The following SPATA9 variants were observed in gnomAD, a reference collection of about 807,000 sequenced individuals.
SPATA9 encodes the protein spermatogenesis-associated protein 9.
Under a neutral mutation model 25.5 loss-of-function variants are expected in SPATA9, and 27 were observed. The observed-to-expected ratio is 1.06, with a 90% CI of 0.78 to 1.46. The LOEUF is 1.46. Ranked by LOEUF, SPATA9 falls within the 40% of genes most tolerant of loss-of-function variation. SPATA9 has a pLI of 0.00. For missense variants in SPATA9, 282 were observed against 297.5 expected (o/e 0.95, Z 0.38); for synonymous variants, 102 against 105.7 (o/e 0.97, Z 0.21).
At chr5:95,663,143 A>G (rs1046117382) in intron 4 of SPATA9, among the ~76,000 whole-genome samples, 1 of 152,230 alleles carries the variant, frequency 6.6e-6, no homozygotes, top group Non-Finnish European at 1.5e-5. Flanking sequence ...AGTAGAATGG[A>G]TAAATAAATG....
chr5:95,660,958 C>T (rs1472680418), intron 4 of SPATA9, among the ~76,000 whole-genome samples: 2 of 136,946 alleles, frequency 1.5e-5, no homozygotes, highest in Non-Finnish European at 3.3e-5. Context: ...GACTGCTACA[C>T]ACTCTGTCTT....
chr5:95,658,154 A>G (rs1204696084), downstream of SPATA9: 3 of 152,410 alleles, frequency 2.0e-5, no homozygotes, highest in Non-Finnish European at 4.4e-5. Flanking sequence ...TGTGAATTGC[A>G]AATCCTTCAT....
At chr5:95,673,429 G>T (rs187732331) in intron 3 of SPATA9, among the ~76,000 whole-genome samples, 1 of 152,058 alleles carries the variant, frequency 6.6e-6, no homozygotes. Context: ...ATTGTGGCAG[G>T]CTAATTTGTT....
intron 1 of SPATA9, among the ~76,000 whole-genome samples, chr5:95,690,267 A>C (rs1034173610): frequency 3.9e-5 from 6 of 152,224 alleles, no homozygotes; most frequent in Admixed American, 6.5e-5. Context: ...CAAGATTTTT[A>C]AGAATATATT....
chr5:95,721,693 T>TAAAA, the SPATA9 span, among the ~76,000 whole-genome samples: 1 of 132,202 alleles, frequency 7.6e-6, no homozygotes. Flanking sequence ...CTGAGAGCAT[T>TAAAA]AAAAAAAAAA....
chr5:95,704,597 C>T, the SPATA9 span, among the ~76,000 whole-genome samples: 1 of 151,810 alleles, frequency 6.6e-6, no homozygotes, highest in Admixed American at 6.6e-5. Flanking sequence ...GAGTTAAAAC[C>T]AGCCCCATAA....
At chr5:95,675,252 G>A (rs997157099) in intron 3 of SPATA9, among the ~76,000 whole-genome samples, 160 bp downstream of exon 3, 4 of 152,070 alleles carry the variant, frequency 2.6e-5, no homozygotes, top group East Asian at 1.9e-4. Flanking sequence ...AAAAGTCCAC[G>A]TTGCACTATA....
intron 3 of SPATA9, among the ~76,000 whole-genome samples, chr5:95,672,369 A>G (rs1401546866): frequency 2.0e-5 from 3 of 152,122 alleles, no homozygotes; most frequent in East Asian, 1.9e-4. Context: ...AAAAAAACAT[A>G]AAGATTGGTC....
the SPATA9 span, among the ~76,000 whole-genome samples, chr5:95,716,707 G>A: frequency 6.6e-6 from 1 of 152,160 alleles, no homozygotes; most frequent in Admixed American, 6.5e-5. Flanking sequence ...GAGGTGCCAG[G>A]GGTGGAATGA....
intron 3 of SPATA9, among the ~76,000 whole-genome samples, chr5:95,668,204 C>A (rs1752007776): frequency 6.6e-6 from 1 of 152,088 alleles, no homozygotes; most frequent in South Asian, 2.1e-4. Flanking sequence ...CAGGTTTTGT[C>A]CTTCACCTAA....
intron 3 of SPATA9, among the ~76,000 whole-genome samples, chr5:95,665,745 C>A (rs972218488): frequency 6.6e-6 from 1 of 152,160 alleles, no homozygotes; most frequent in Non-Finnish European, 1.5e-5. Context: ...GAGACCAAGG[C>A]AGGTGGATCA....
downstream of SPATA9, chr5:95,654,043 T>C: frequency 6.2e-7 from 1 of 1,601,754 alleles, no homozygotes; most frequent in Non-Finnish European, 8.5e-7. Context: ...GTAACTTTCC[T>C]TCTTTATGTT....
At chr5:95,690,770 G>C (rs551988784) in intron 1 of SPATA9, among the ~76,000 whole-genome samples, 5 of 152,224 alleles carry the variant, frequency 3.3e-5, no homozygotes, top group Admixed American at 6.5e-5. Flanking sequence ...GGAGATAGAT[G>C]AACAGCCTAA....
chr5:95,689,166 A>G lies in SPATA9; in HGVS notation n.124+9422T>C, dbSNP rs564499360. Among the ~76,000 whole-genome samples, 7 of 152,364 alleles carry G rather than the reference A, an allele frequency of 4.6e-5. No homozygotes were observed. In the South Asian group the frequency reaches 1.0e-3, roughly 23 times the overall value. ...ATCCCAACAACACGATATGAGATCC[A>G]TAAGACCAGAAAACAGACACAATAA... On this transcript the variant is annotated intron_variant and non_coding_transcript_variant, in intron 1 of 2. Transcript: ENST00000379990.
intron 2 of SPATA9, among the ~76,000 whole-genome samples, chr5:95,680,897 G>A (rs1047601409): frequency 1.3e-5 from 2 of 152,098 alleles, no homozygotes; most frequent in Non-Finnish European, 2.9e-5. Flanking sequence ...CCTAGTTAAC[G>A]GGATCACTAT....
chr5:95,666,794 G>A (rs530352705), intron 3 of SPATA9, among the ~76,000 whole-genome samples: 22 of 152,150 alleles, frequency 1.4e-4, no homozygotes, highest in Admixed American at 3.9e-4. Flanking sequence ...GAAAATTTAT[G>A]GAGCTATACA....
chr5:95,697,786 G>A (rs541004756), intron 1 of SPATA9, among the ~76,000 whole-genome samples: 5 of 151,936 alleles, frequency 3.3e-5, no homozygotes, highest in East Asian at 3.9e-4. Context: ...TTTTACATTC[G>A]AGAAAATACC....
Position 95,664,008 on chromosome 5 carries a change from G to T in SPATA9, c.419C>A (p.Ala140Glu). ...TATTATGCTAGTTAAAGCAGTCTTT[G>T]CTGGAAAGGAGATGATTTCAAACAA... is the stretch of plus-strand genomic sequence containing the variant. ...GSLFEIISFP[A>E]KTALTSIIYA... Residue 140 changes from alanine to glutamate, a missense_variant, in exon 4 of 5, where the codon GCA becomes GAA. Physicochemically the swap from Ala to Glu is moderately radical, Grantham distance 107. Transcript: ENST00000274432. 1.3e-6 allele frequency: 2 copies of T among 1,598,194 alleles called. No individual in the cohort carries two copies. Among genetic ancestry groups the T allele is most frequent in the Middle Eastern group, 1.7e-4 (1 of 5,918 alleles).
At chr5:95,685,567 T>A (rs1753721120), upstream of SPATA9, among the ~76,000 whole-genome samples, 1 of 152,194 alleles carries the variant, frequency 6.6e-6, no homozygotes, top group Non-Finnish European at 1.5e-5. Context: ...GTGTGCTTTG[T>A]GACTATGCAC....
Sources: allele counts gnomAD v4.1 joint callset (sites outside exome capture counted in the v4.1 genomes callset), GRCh38; gene constraint gnomAD v4.1.1; transcripts MANE v1.5; gene names NCBI Gene and HGNC (gene_info 2026-07-23, HGNC 2026-07-21).